DNAI3: variants seen among roughly 807,000 people sequenced by gnomAD.
The protein encoded by DNAI3 is dynein axonemal intermediate chain 3.
Under a neutral mutation model 115.5 loss-of-function variants are expected in DNAI3, and 83 were observed. The observed-to-expected ratio is 0.72, with a 90% CI of 0.60 to 0.86. The LOEUF (loss-of-function observed/expected upper bound fraction) is 0.86, where lower values mean the gene tolerates loss of function less well. Ranked by LOEUF, DNAI3 falls within the 40% of genes least tolerant of loss-of-function variation. The probability of loss-of-function intolerance (pLI) is 0.00; values close to 1 mark genes in which losing one functional copy is unlikely to be tolerated. For synonymous variants in DNAI3, 320 were observed against 347.0 expected (o/e 0.92, Z 0.86); for missense variants, 1,004 against 1,075.8 (o/e 0.93, Z 0.93).
chr1:85,080,353 T>C (rs1175545642), intron 3 of DNAI3, among the ~76,000 whole-genome samples: 1 of 152,068 alleles, frequency 6.6e-6, no homozygotes, highest in East Asian at 1.9e-4. Context: ...TTCTTTAAAA[T>C]GAGAGACCAT....
chr1:85,091,208 T>A (rs1351546028), intron 8 of DNAI3, among the ~76,000 whole-genome samples: 1 of 152,196 alleles, frequency 6.6e-6, no homozygotes, highest in East Asian at 1.9e-4. Flanking sequence ...GTCATTACAA[T>A]TTTTCCTGTA....
chr1:85,072,884 T>G (rs568236041), intron 2 of DNAI3, among the ~76,000 whole-genome samples, 170 bp from the exon 3 acceptor site: 7 of 138,070 alleles, frequency 5.1e-5, no homozygotes, highest in South Asian at 2.2e-4. Context: ...GAACCCAGGA[T>G]GTGGTGCTTG....
At chr1:85,106,595 A>G (rs140883700) in intron 14 of DNAI3, among the ~76,000 whole-genome samples, 1 of 152,166 alleles carries the variant, frequency 6.6e-6, no homozygotes, top group African/African-American at 2.4e-5. Context: ...AGGAAGAAAA[A>G]AGTTGGAGGA....
At chr1:85,105,968 G>T (rs370597146) in intron 14 of DNAI3, among the ~76,000 whole-genome samples, 1 of 152,092 alleles carries the variant, frequency 6.6e-6, no homozygotes, top group African/African-American at 2.4e-5. Flanking sequence ...AGAATGCCCC[G>T]TCTCTACTAA....
chr1:85,105,533 AAAAAAAAAG>A (rs1655462016), intron 14 of DNAI3, among the ~76,000 whole-genome samples: 1 of 137,808 alleles, frequency 7.3e-6, no homozygotes, highest in African/African-American at 2.8e-5. Context: ...TGTCTCAAAA[AAAAAAAAAG>A]AAAAAGAAAA....
rs1313211003 is a variant in DNAI3, at chr1:85,085,797, ATTATG to A, written c.541-30_541-26del. 15 of 963,300 alleles carry A rather than the reference ATTATG, an allele frequency of 1.6e-5. No homozygotes were observed. The Admixed American group carries it at 3.1e-4, about 20-fold the overall frequency. 59.7% of individuals were successfully genotyped at this position (963,300 alleles called of 1,614,324 possible). On this transcript the variant is annotated intron_variant, in intron 6 of 22. Transcript: ENST00000294664. The stretch of plus-strand genomic sequence containing the variant: ...ACATTGCCTACACATCAGGGACTTC[ATTATG>A]TTACCTTTACTGTTTACATGTGTTA...
At chr1:85,120,976 A>G (rs1050778858) in intron 17 of DNAI3, among the ~76,000 whole-genome samples, 8 of 152,170 alleles carry the variant, frequency 5.3e-5, no homozygotes, top group Admixed American at 1.3e-4. Flanking sequence ...CCCATTTTAT[A>G]CAAACTCCTG....
chr1:85,091,906 T>C (rs1654986833), intron 8 of DNAI3, among the ~76,000 whole-genome samples: 1 of 152,118 alleles, frequency 6.6e-6, no homozygotes, highest in Admixed American at 6.6e-5. Context: ...GCTAAGGAGG[T>C]AGAATCAGGA....
At chr1:85,124,085 T>C (rs1158578664) in intron 18 of DNAI3, 36 bp from the exon 19 acceptor site, 1 of 1,612,952 alleles carries the variant, frequency 6.2e-7, no homozygotes, top group Admixed American at 1.7e-5. Flanking sequence ...CAAACAGTGT[T>C]ATTAAAGATG....
chr1:85,066,249 A>T (rs1439330353), intron 1 of DNAI3, among the ~76,000 whole-genome samples: 1 of 151,616 alleles, frequency 6.6e-6, no homozygotes, highest in African/African-American at 2.4e-5. Context: ...ACCAGTCAAA[A>T]CACAAGCCAC....
chr1:85,131,079 C>T (rs1656306259), intron 22 of DNAI3, among the ~76,000 whole-genome samples: 1 of 152,194 alleles, frequency 6.6e-6, no homozygotes, highest in Admixed American at 6.5e-5. Flanking sequence ...TTGATCTCAT[C>T]TGTAGGTTCC....
chr1:85,127,405 C>T lies in DNAI3; in HGVS notation c.2317+690C>T, dbSNP rs570535031. Reference sequence around the variant, plus strand: ...TTCTATGTAAATCCAGTATGTTTGCCTTTTTTTATTTTATTTTTTTGCAGT... The same window carrying T: ...TTCTATGTAAATCCAGTATGTTTGCTTTTTTTTATTTTATTTTTTTGCAGT... On this transcript the variant is annotated intron_variant, in intron 20 of 22. Transcript: ENST00000294664. Among the ~76,000 whole-genome samples, 72 of 152,004 alleles carry T rather than the reference C, an allele frequency of 4.7e-4. 3 individuals carry two copies. The South Asian group carries it at 0.015, about 32-fold the overall frequency.
chr1:85,121,607 TC>T, intron 17 of DNAI3, 143 bp from the exon 18 acceptor site: 1 of 681,616 alleles, frequency 1.5e-6, no homozygotes. Context: ...GCTTTCCCTC[TC>T]CCCCACTGGA....
At chr1:85,096,091 G>A (rs1655114163) in intron 11 of DNAI3, 71 bp downstream of exon 11, 1 of 1,407,572 alleles carries the variant, frequency 7.1e-7, no homozygotes, top group South Asian at 1.2e-5. Context: ...TGACTTGGCA[G>A]TTCCTTGGAC....
At chr1:85,121,715 G>C in intron 17 of DNAI3, 36 bp from the exon 18 acceptor site, 1 of 1,594,328 alleles carries the variant, frequency 6.3e-7, no homozygotes, top group Non-Finnish European at 8.6e-7. Context: ...CTCTTAAGTT[G>C]TCATTGTACT....
chr1:85,089,471 C>T (rs1654903905), intron 7 of DNAI3, among the ~76,000 whole-genome samples: 1 of 146,506 alleles, frequency 6.8e-6, no homozygotes, highest in Non-Finnish European at 1.5e-5. Context: ...CCACTAAGAG[C>T]ATACTAGATG....
intron 3 of DNAI3, among the ~76,000 whole-genome samples, chr1:85,080,051 T>TC (rs1319785551): frequency 6.0e-5 from 8 of 133,818 alleles, no homozygotes; most frequent in South Asian, 2.6e-4. Flanking sequence ...TTTTTCTTTT[T>TC]TTTTTTTTTT....
rs752764241 is a variant in DNAI3 at position 85,098,517 on chromosome 1, T to A, written c.1351-13T>A. ...CTGAAATTAGCACTTAACTTTCTTT[T>A]AATATTTTTCAGCCTATGTTTCTCC... On this transcript the variant is annotated splice_polypyrimidine_tract_variant and intron_variant, in intron 12 of 22. Coordinates refer to ENST00000294664, the MANE Select transcript of DNAI3 (RefSeq NM_145172.5). The A allele has an allele frequency of 6.2e-7, 1 of 1,606,198 alleles. No individual in the cohort carries two copies. The highest frequency in any genetic ancestry group is 8.5e-7 in the Non-Finnish European group (1 of 1,177,926).
chr1:85,124,056 A>G (rs1656060908), intron 18 of DNAI3, 65 bp from the exon 19 acceptor site: 2 of 1,603,984 alleles, frequency 1.2e-6, no homozygotes, highest in Non-Finnish European at 8.5e-7. Flanking sequence ...AGGTCTGTCC[A>G]TTCCTCACTG....
Sources: gnomAD v4.1 joint callset for allele counts (sites outside exome capture counted in the v4.1 genomes callset) on GRCh38, gnomAD v4.1.1 for gene constraint, MANE v1.5 for transcripts, NCBI Gene and HGNC (gene_info 2026-07-23, HGNC 2026-07-21) for gene names.